PDSS2: variants seen among roughly 807,000 people sequenced by gnomAD.
The protein encoded by PDSS2 is all trans-polyprenyl-diphosphate synthase PDSS2.
PDSS2 carries 31 observed loss-of-function variants against 44.5 expected under a neutral mutation model. The observed-to-expected ratio is 0.70, with a 90% CI of 0.52 to 0.94. The LOEUF (loss-of-function observed/expected upper bound fraction) is 0.94, where lower values mean the gene tolerates loss of function less well. Ranked by LOEUF, PDSS2 falls within the 40% of genes least tolerant of loss-of-function variation. The pLI, the probability that PDSS2 is intolerant of heterozygous loss-of-function variation, is 0.00. For missense variants in PDSS2, 452 were observed against 482.2 expected, an observed-to-expected ratio of 0.94 and a Z score of 0.59; for synonymous variants, 157 against 180.3, an observed-to-expected ratio of 0.87 and a Z score of 1.03.
chr6:107,455,781 A>C (rs924863278), intron 1 of PDSS2, among the ~76,000 whole-genome samples: 1 of 151,016 alleles, frequency 6.6e-6, no homozygotes, highest in African/African-American at 2.4e-5. Flanking sequence ...AAAAAAAAAA[A>C]AACTTAAGAA....
chr6:107,217,078 A>G (rs967781416), intron 4 of PDSS2, among the ~76,000 whole-genome samples: 4 of 152,222 alleles, frequency 2.6e-5, no homozygotes, highest in African/African-American at 4.8e-5. Context: ...AATGGCAAAA[A>G]CAGCAAAACC....
chr6:107,177,255 C>T (rs561290829), intron 7 of PDSS2, among the ~76,000 whole-genome samples: 59 of 151,798 alleles, frequency 3.9e-4, no homozygotes, highest in African/African-American at 1.3e-3. Flanking sequence ...CTCAGCCTCC[C>T]GAGTAGCTGA....
chr6:107,391,474 T>C (rs1270765557), intron 1 of PDSS2, among the ~76,000 whole-genome samples: 1 of 134,752 alleles, frequency 7.4e-6, no homozygotes, highest in Non-Finnish European at 1.8e-5. Flanking sequence ...AAATAGTTTC[T>C]ATTCCAAGCA....
chr6:107,385,646 A>G (rs955682481), intron 1 of PDSS2, among the ~76,000 whole-genome samples: 2 of 152,218 alleles, frequency 1.3e-5, no homozygotes, highest in Non-Finnish European at 2.9e-5. Context: ...CAGTTGAAGT[A>G]ATACTAGGCA....
At chr6:107,292,894 C>G (rs1326820104) in intron 2 of PDSS2, among the ~76,000 whole-genome samples, 1 of 152,132 alleles carries the variant, frequency 6.6e-6, no homozygotes, top group East Asian at 1.9e-4. Context: ...TCTAAAAGTA[C>G]TTTGGGGTTT....
chr6:107,155,877 CTTTTTTTTTTTT>C (rs60840656), intron 7 of PDSS2, among the ~76,000 whole-genome samples: 23 of 51,670 alleles, frequency 4.5e-4, no homozygotes, highest in Admixed American at 1.6e-3. Context: ...CTTGCCCGGC[CTTTTTTTTTTTT>C]TTTTTTTTTT....
In PDSS2 at chr6:107,418,577, T is replaced by C. The variant is rs544998422; in HGVS notation, c.296+40413A>G. Among the ~76,000 whole-genome samples the C allele has an allele frequency of 2.0e-5, 3 of 152,110 alleles. No homozygotes were observed. In the South Asian group the frequency reaches 6.2e-4, roughly 32 times the overall value. On this transcript the variant is annotated intron_variant, in intron 1 of 7. Coordinates refer to ENST00000369037, the MANE Select transcript of PDSS2 (RefSeq NM_020381.4). Reference sequence around the variant, plus strand: ...ATTTGAGGTCAGGAGTTCGAGACCATCCTGGGAAACATGATGATACCCCGC... The same window carrying C: ...ATTTGAGGTCAGGAGTTCGAGACCACCCTGGGAAACATGATGATACCCCGC...
intron 4 of PDSS2, among the ~76,000 whole-genome samples, chr6:107,228,873 C>T (rs1201294034): frequency 6.6e-6 from 1 of 152,066 alleles, no homozygotes; most frequent in Non-Finnish European, 1.5e-5. Context: ...TATTTATTAT[C>T]ACCACTAGCA....
At chr6:107,185,336 A>G (rs1772131362) in intron 7 of PDSS2, among the ~76,000 whole-genome samples, 1 of 152,212 alleles carries the variant, frequency 6.6e-6, no homozygotes, top group South Asian at 2.1e-4. Context: ...AATGCTGAAC[A>G]GTCTGGTTTT....
chr6:107,363,583 G>A (rs748194429), intron 1 of PDSS2, among the ~76,000 whole-genome samples: 2 of 152,198 alleles, frequency 1.3e-5, no homozygotes, highest in African/African-American at 2.4e-5. Flanking sequence ...TAAAAGCAGC[G>A]TGGACCCAAA....
rs558428382 is a variant in PDSS2 at position 107,164,316 on chromosome 6, C to T, written c.1042-9539G>A. On this transcript the variant is annotated intron_variant, in intron 7 of 7. Transcript: ENST00000369037. Reference sequence around the variant, plus strand: ...TAATTCCTAATGCTATCCCTCCCCACTTCCCCCACCCCACGACAGGCCCTG... The same window carrying T: ...TAATTCCTAATGCTATCCCTCCCCATTTCCCCCACCCCACGACAGGCCCTG... Among the ~76,000 whole-genome samples, 4 of 152,270 alleles carry T rather than the reference C, an allele frequency of 2.6e-5. No homozygotes were observed. The South Asian group carries it at 6.2e-4, about 24-fold the overall frequency.
chr6:107,386,550 AT>A (rs1414166885), intron 1 of PDSS2, among the ~76,000 whole-genome samples: 1 of 152,204 alleles, frequency 6.6e-6, no homozygotes, highest in Non-Finnish European at 1.5e-5. Flanking sequence ...CATTCATGTC[AT>A]AAAACCAGAG....
intron 3 of PDSS2, among the ~76,000 whole-genome samples, chr6:107,256,142 C>T (rs1301456286): frequency 3.9e-5 from 6 of 152,248 alleles, no homozygotes; most frequent in Non-Finnish European, 7.4e-5. Context: ...AGGTGCATGC[C>T]ACCATGCCCG....
intron 6 of PDSS2, among the ~76,000 whole-genome samples, chr6:107,207,138 G>T (rs62428034): frequency 6.6e-6 from 1 of 150,682 alleles, no homozygotes; most frequent in Non-Finnish European, 1.5e-5. Flanking sequence ...GACTACAGGC[G>T]CCCGCCACTG....
intron 3 of PDSS2, among the ~76,000 whole-genome samples, chr6:107,262,232 T>C (rs1467549918): frequency 1.3e-5 from 2 of 151,984 alleles, no homozygotes; most frequent in Non-Finnish European, 2.9e-5. Flanking sequence ...TTTATCGCAA[T>C]GCAAGAACAG....
intron 7 of PDSS2, among the ~76,000 whole-genome samples, chr6:107,172,782 TC>T (rs1159686399): frequency 1.3e-5 from 2 of 151,198 alleles, no homozygotes; most frequent in Non-Finnish European, 2.9e-5. Context: ...TTTTTTTTTT[TC>T]TTCTTCTTTT....
rs531764267 is a variant in PDSS2 at position 107,260,521 on chromosome 6, A to G, written c.630+13508T>C. ...GTATTCAAATTCAGTTGAACCTCACATCATGGTTGGCCATGAGAAATAGAA... is the reference window on the plus strand; with the variant it reads ...GTATTCAAATTCAGTTGAACCTCACGTCATGGTTGGCCATGAGAAATAGAA... On this transcript the variant is annotated intron_variant, in intron 3 of 7. Coordinates refer to ENST00000369037, the MANE Select transcript of PDSS2 (RefSeq NM_020381.4). Among the ~76,000 whole-genome samples the G allele has an allele frequency of 2.0e-5, 3 of 152,290 alleles. No individual in the cohort carries two copies. In the East Asian group the frequency reaches 5.8e-4, roughly 29 times the overall value.
chr6:107,275,144 T>C (rs1019100551), intron 2 of PDSS2, among the ~76,000 whole-genome samples: 13 of 152,182 alleles, frequency 8.5e-5, no homozygotes, highest in African/African-American at 1.2e-4. Flanking sequence ...TAGAACTATA[T>C]TTATTACACG....
Position 107,226,963 on chromosome 6 carries a change from GC to G in PDSS2, c.703-14682del, listed in dbSNP as rs541547712. Among the ~76,000 whole-genome samples, 128 of 150,338 alleles carry G rather than the reference GC, an allele frequency of 8.5e-4. 2 individuals are homozygous for G. Among genetic ancestry groups the G allele is most frequent in the African/African-American group, 3.1e-3 (126 of 40,860 alleles). ...TGGGATTACAGGCTTGAGCCACCGC[GC>G]CCGGCCCAGCCAAACCCAGCCTTTT... On this transcript the variant is annotated intron_variant, in intron 4 of 7. Transcript: ENST00000369037.
Sources: allele counts gnomAD v4.1 joint callset (sites outside exome capture counted in the v4.1 genomes callset), GRCh38; gene constraint gnomAD v4.1.1; transcripts MANE v1.5; gene names NCBI Gene and HGNC (gene_info 2026-07-23, HGNC 2026-07-21).